Variants in ZNF536 observed in about 807,000 individuals in gnomAD.
The protein encoded by ZNF536 is zinc finger protein 536.
ZNF536 carries 13 observed loss-of-function variants against 84.5 expected under a neutral mutation model. The ratio of observed to expected loss-of-function variants is 0.15; its 90% CI spans 0.10 to 0.24. The LOEUF is 0.24. ZNF536 is among the 10% of genes least tolerant of loss of function. The pLI is 1.00. For missense variants in ZNF536, 1,536 were observed against 1,747.5 expected (o/e 0.88, Z 2.16); for synonymous variants, 811 against 742.5 (o/e 1.09, Z -1.50).
At chr19:30,662,090 T>C (rs1449031189) in intron 1 of ZNF536, among the ~76,000 whole-genome samples, 1 of 152,236 alleles carries the variant, frequency 6.6e-6, no homozygotes, top group Non-Finnish European at 1.5e-5. Flanking sequence ...AGCACGTGAT[T>C]GTGGAGTCCC....
At chr19:30,395,620 A>G (rs997436790) in intron 1 of ZNF536, among the ~76,000 whole-genome samples, 1 of 152,180 alleles carries the variant, frequency 6.6e-6, no homozygotes, top group Non-Finnish European at 1.5e-5. Flanking sequence ...TTCTGACAAC[A>G]AGCTTTGCTT....
intron 1 of ZNF536, among the ~76,000 whole-genome samples, chr19:30,271,875 G>A (rs926061717): frequency 3.9e-5 from 6 of 152,100 alleles, no homozygotes; most frequent in East Asian, 1.9e-4. Context: ...ACACAAGTCC[G>A]TGCGTTTTGT....
intron 1 of ZNF536, among the ~76,000 whole-genome samples, chr19:30,373,991 C>T (rs1017307243): frequency 2.2e-4 from 33 of 152,130 alleles, no homozygotes; most frequent in Non-Finnish European, 3.5e-4. Context: ...ACATAATGCC[C>T]GATTCGCTCT....
intron 2 of ZNF536, among the ~76,000 whole-genome samples, chr19:30,299,566 T>C (rs1251484506): frequency 1.3e-5 from 2 of 152,162 alleles, no homozygotes; most frequent in Non-Finnish European, 2.9e-5. Context: ...TTAGATTTTA[T>C]ATATAATAAT....
At chr19:30,509,289 A>C (rs2055309464) in intron 2 of ZNF536, among the ~76,000 whole-genome samples, 1 of 148,452 alleles carries the variant, frequency 6.7e-6, no homozygotes, top group South Asian at 2.1e-4. Context: ...ATAATATACA[A>C]TATGTAACAT....
intron 1 of ZNF536, among the ~76,000 whole-genome samples, chr19:30,389,664 C>T (rs1477011891): frequency 6.6e-6 from 1 of 152,160 alleles, no homozygotes; most frequent in Non-Finnish European, 1.5e-5. Flanking sequence ...AAGGTACTGG[C>T]CCAGAAAATG....
At chr19:30,644,644 G>A (rs539288988) in intron 1 of ZNF536, among the ~76,000 whole-genome samples, 220 of 152,060 alleles carry the variant, frequency 1.4e-3, no homozygotes, top group Non-Finnish European at 2.6e-3. Context: ...GCGATAGTTT[G>A]CTGAGAATGA....
chr19:30,327,649 T>C (rs1033808883), intron 2 of ZNF536, among the ~76,000 whole-genome samples: 104 of 152,264 alleles, frequency 6.8e-4, no homozygotes, highest in African/African-American at 2.3e-3. Context: ...CACCCTTCAT[T>C]TGGGAGGTGT....
intron 1 of ZNF536, among the ~76,000 whole-genome samples, chr19:30,703,875 G>A (rs2148019526): frequency 6.6e-6 from 1 of 152,296 alleles, no homozygotes; most frequent in Admixed American, 6.5e-5. Flanking sequence ...GTGTGGAAAT[G>A]GAAGCCTTGA....
In ZNF536 at chr19:30,409,004, GTCCATCCA is replaced by G. The variant is rs370424061; in HGVS notation, c.-2-34532_-2-34525del. Reference sequence around the variant, plus strand: ...TTCATTCATTCATTATCATCCATTGGTCCATCCATCCATCCATCCATCCATCCATCCAC... The same window carrying G: ...TTCATTCATTCATTATCATCCATTGGTCCATCCATCCATCCATCCATCCAC... On this transcript the variant is annotated intron_variant, in intron 1 of 4. Transcript: ENST00000355537. 5.7e-3 allele frequency among the ~76,000 whole-genome samples: 762 copies of G among 134,200 alleles called. 13 individuals carry two copies. The highest frequency in any genetic ancestry group is 0.02 in the African/African-American group (691 of 35,372). The allele number at this position is 134,200 out of a possible 152,430, so 88.0% of individuals were successfully genotyped here.
intron 1 of ZNF536, among the ~76,000 whole-genome samples, chr19:30,236,134 G>A (rs2144746692): frequency 6.6e-6 from 1 of 152,380 alleles, no homozygotes; most frequent in African/African-American, 2.4e-5. Context: ...CCACATGCCG[G>A]CATGAAAGGA....
chr19:30,591,566 C>T (rs2047280679), intron 1 of ZNF536, among the ~76,000 whole-genome samples: 1 of 152,140 alleles, frequency 6.6e-6, no homozygotes, highest in African/African-American at 2.4e-5. Flanking sequence ...CCACCTGGCC[C>T]TGCTCTTGAC....
chr19:30,420,960 C>T (rs1219625789), intron 1 of ZNF536, among the ~76,000 whole-genome samples: 2 of 152,136 alleles, frequency 1.3e-5, no homozygotes, highest in Non-Finnish European at 2.9e-5. Flanking sequence ...TGGTGGGTTT[C>T]ACCGTTCACC....
chr19:30,632,942 G>T (rs1455522386), intron 1 of ZNF536, among the ~76,000 whole-genome samples: 3 of 152,222 alleles, frequency 2.0e-5, no homozygotes, highest in African/African-American at 7.2e-5. Context: ...GGTGGAGAGA[G>T]GAGGAAGAGG....
At chr19:30,522,262 C>CACATATATATACAT (rs2044375836) in intron 2 of ZNF536, among the ~76,000 whole-genome samples, 13 of 7,632 alleles carry the variant, frequency 1.7e-3, no homozygotes, top group Admixed American at 1.0e-2. Context: ...GATATATATA[C>CACATATATATACAT]ATATATATAT....
At chr19:30,438,443 C>T (rs1391591179) in intron 1 of ZNF536, among the ~76,000 whole-genome samples, 1 of 152,170 alleles carries the variant, frequency 6.6e-6, no homozygotes, top group Admixed American at 6.5e-5. Context: ...GACTCCAGCT[C>T]CTGGGTCACG....
chr19:30,582,718 G>T (rs750482483), intron 1 of ZNF536, among the ~76,000 whole-genome samples: 1 of 152,134 alleles, frequency 6.6e-6, no homozygotes, highest in Non-Finnish European at 1.5e-5. Context: ...AAGGTGAAAG[G>T]CACGTCTTAC....
At chr19:30,442,446 T>C (rs1200580994) in intron 1 of ZNF536, among the ~76,000 whole-genome samples, 1 of 152,240 alleles carries the variant, frequency 6.6e-6, no homozygotes, top group Non-Finnish European at 1.5e-5. Flanking sequence ...TTGGGAAAGT[T>C]ATTAAAAACA....
chr19:30,471,595 C>T (rs1310540264), intron 2 of ZNF536, among the ~76,000 whole-genome samples: 1 of 152,160 alleles, frequency 6.6e-6, no homozygotes, highest in African/African-American at 2.4e-5. Flanking sequence ...GTCCTTGATC[C>T]CTGGACAGTT....
Sources: allele counts gnomAD v4.1 joint callset (sites outside exome capture counted in the v4.1 genomes callset), GRCh38; gene constraint gnomAD v4.1.1; transcripts MANE v1.5; gene names NCBI Gene and HGNC (gene_info 2026-07-23, HGNC 2026-07-21).